SYNE2: variants seen among roughly 807,000 people sequenced by gnomAD.
SYNE2 encodes the protein spectrin repeat containing nuclear envelope protein 2.
A neutral mutation model predicts 856.3 loss-of-function variants in SYNE2; 431 were observed. That is an observed-to-expected ratio of 0.50 (90% CI 0.47 to 0.55). The LOEUF (loss-of-function observed/expected upper bound fraction) is 0.55. SYNE2 is among the 20% of genes least tolerant of loss of function. The probability of loss-of-function intolerance (pLI) is 0.00; values close to 1 mark genes in which losing one functional copy is unlikely to be tolerated. For missense variants in SYNE2, 8,129 were observed against 8,023.2 expected, an observed-to-expected ratio of 1.01 and a Z score of -0.50; for synonymous variants, 2,923 against 2,872.3, an observed-to-expected ratio of 1.02 and a Z score of -0.56.
chr14:63,859,017 G>A (rs1410900358), intron 1 of SYNE2, among the ~76,000 whole-genome samples: 1 of 152,160 alleles, frequency 6.6e-6, no homozygotes, highest in Non-Finnish European at 1.5e-5. Flanking sequence ...GAATATGGGT[G>A]GAAGTTTACC....
At chr14:64,122,905 C>T (rs2097909156) in intron 70 of SYNE2, among the ~76,000 whole-genome samples, 1 of 152,040 alleles carries the variant, frequency 6.6e-6, no homozygotes, top group Admixed American at 6.6e-5. Flanking sequence ...GAGTTCAAGA[C>T]CAGCCTCAAC....
chr14:64,144,656 G>A (rs1045436990), intron 83 of SYNE2, among the ~76,000 whole-genome samples: 8 of 152,142 alleles, frequency 5.3e-5, no homozygotes, highest in African/African-American at 1.7e-4. Context: ...AAGCTGTCAC[G>A]TTCATACATT....
chr14:64,065,634 A>C lies in SYNE2; in HGVS notation c.10415A>C (p.Lys3472Thr). ...TGCGAAGAACTGAAGCAGGAATGGA[A>C]ATTTGTCAGTGAAGAAGTGAGTGCT... ...MWCEELKQEW[K>T]FVSEEIEREA... Residue 3472 changes from lysine (K) to threonine (T), a missense_variant, in exon 51 of 116, where the codon AAA becomes ACA. This residue lies in a region of SYNE2 where 5,410 missense variants were observed against 5,284.8 expected (regional missense o/e 1.02). Coordinates refer to ENST00000555002, the MANE Select transcript of SYNE2 (RefSeq NM_182914.3). The C allele has an allele frequency of 6.2e-7, 1 of 1,614,170 alleles. No individual in the cohort carries two copies. Among genetic ancestry groups the C allele is most frequent in the South Asian group, 1.1e-5 (1 of 91,078 alleles).
chr14:64,131,058 A>G (rs975593757), intron 76 of SYNE2, among the ~76,000 whole-genome samples: 6 of 152,338 alleles, frequency 3.9e-5, no homozygotes, highest in South Asian at 4.1e-4. Context: ...GCTGATAATT[A>G]AAAATGTGTA....
At chr14:63,926,166 A>C (rs987442208) in intron 2 of SYNE2, among the ~76,000 whole-genome samples, 1 of 151,760 alleles carries the variant, frequency 6.6e-6, no homozygotes, top group African/African-American at 2.4e-5. Context: ...CATTTTTGTC[A>C]CCCCAAAAAG....
intron 49 of SYNE2, among the ~76,000 whole-genome samples, chr14:64,060,664 G>T (rs1379442946): frequency 6.6e-6 from 1 of 151,984 alleles, no homozygotes; most frequent in Non-Finnish European, 1.5e-5. Flanking sequence ...GTCTCACTTG[G>T]TCACATGCCC....
intron 1 of SYNE2, among the ~76,000 whole-genome samples, chr14:63,898,968 C>T (rs923018699): frequency 8.3e-4 from 126 of 152,256 alleles, no homozygotes; most frequent in African/African-American, 2.9e-3. Flanking sequence ...ATTTCCAGAA[C>T]TCTTTTCATT....
chr14:64,148,518 T>C (rs1020863051), intron 84 of SYNE2, among the ~76,000 whole-genome samples: 1 of 152,040 alleles, frequency 6.6e-6, no homozygotes, highest in Non-Finnish European at 1.5e-5. Context: ...TTATTTCTAC[T>C]TCCCTCCCCT....
chr14:64,114,925 G>A (rs1455052114), intron 66 of SYNE2, among the ~76,000 whole-genome samples: 2 of 152,140 alleles, frequency 1.3e-5, no homozygotes, highest in Non-Finnish European at 1.5e-5. Context: ...CAGCCCAAAA[G>A]TCAGTTCTAA....
intron 76 of SYNE2, among the ~76,000 whole-genome samples, chr14:64,131,341 C>T (rs1353451186): frequency 6.6e-6 from 1 of 152,156 alleles, no homozygotes; most frequent in Non-Finnish European, 1.5e-5. Context: ...GAAATAAAGC[C>T]TTCCTCTTGA....
Position 63,982,626 on chromosome 14 carries a change from G to T in SYNE2, c.1837-4G>T, listed in dbSNP as rs1351178002. 9 of 1,612,206 alleles carry T rather than the reference G, an allele frequency of 5.6e-6. No homozygotes were observed. The highest frequency in any genetic ancestry group is 3.3e-4 in the Middle Eastern group (2 of 6,062). ...AGATAGTGTGTTGCTTGTGTATCAT[G>T]TAGGTACCCTTTGAGACACTAGCCC... On this transcript the variant is annotated splice_polypyrimidine_tract_variant and splice_region_variant and intron_variant, in intron 16 of 115. Transcript: ENST00000555002.
chr14:64,109,034 C>G (rs1387010339), intron 65 of SYNE2, among the ~76,000 whole-genome samples: 1 of 151,916 alleles, frequency 6.6e-6, no homozygotes, highest in Non-Finnish European at 1.5e-5. Context: ...CACCATCACG[C>G]CTGGCTAATT....
intron 1 of SYNE2, among the ~76,000 whole-genome samples, chr14:63,783,899 C>A (rs1887418201): frequency 6.6e-6 from 1 of 152,102 alleles, no homozygotes; most frequent in South Asian, 2.1e-4. Flanking sequence ...AGTATGGTAT[C>A]AACGCTAAAC....
At chr14:63,951,934 A>G (rs2096167915) in intron 7 of SYNE2, among the ~76,000 whole-genome samples, 1 of 152,222 alleles carries the variant, frequency 6.6e-6, no homozygotes, top group Admixed American at 6.5e-5. Flanking sequence ...GCTTATGAAA[A>G]TGTAGCACAT....
intron 11 of SYNE2, among the ~76,000 whole-genome samples, chr14:63,969,147 T>C (rs1302714881): frequency 6.6e-6 from 1 of 151,780 alleles, no homozygotes; most frequent in Non-Finnish European, 1.5e-5. Flanking sequence ...ATCCACATTG[T>C]TGCAAATGAC....
chr14:63,819,229 C>A (rs759935835), intron 1 of SYNE2, among the ~76,000 whole-genome samples: 7 of 151,230 alleles, frequency 4.6e-5, no homozygotes, highest in Non-Finnish European at 8.8e-5. Context: ...TCTTTCTTTT[C>A]TTTTCTTTTC....
intron 61 of SYNE2, among the ~76,000 whole-genome samples, chr14:64,096,157 T>G: frequency 6.6e-6 from 1 of 152,362 alleles, no homozygotes; most frequent in South Asian, 2.1e-4. Context: ...AGTTACCCAG[T>G]CACAGATATT....
chr14:63,917,599 T>G (rs1265618649), intron 2 of SYNE2, among the ~76,000 whole-genome samples: 10 of 152,110 alleles, frequency 6.6e-5, no homozygotes, highest in Admixed American at 5.9e-4. Flanking sequence ...GACTCCCGAG[T>G]AGTTGGGATT....
chr14:63,953,985 C>T (rs1465517473), intron 7 of SYNE2, among the ~76,000 whole-genome samples: 2 of 152,140 alleles, frequency 1.3e-5, no homozygotes, highest in African/African-American at 2.4e-5. Context: ...GCGATTGTAG[C>T]TCACTGCAGC....
Sources: gnomAD v4.1 joint callset for allele counts (sites outside exome capture counted in the v4.1 genomes callset) on GRCh38, gnomAD v4.1.1 for gene constraint, gnomAD v4.1.1 regional missense constraint, MANE v1.5 for transcripts, NCBI Gene and HGNC (gene_info 2026-07-23, HGNC 2026-07-21) for gene names.